DCC: variants seen among roughly 807,000 people sequenced by gnomAD.
The protein encoded by DCC is DCC netrin 1 receptor, also known as netrin receptor DCC.
In DCC, 58 loss-of-function variants were observed where a neutral mutation model predicts 172.5. That is an observed-to-expected ratio of 0.34 (90% CI 0.27 to 0.42). The LOEUF (loss-of-function observed/expected upper bound fraction) is 0.42, where lower values mean the gene tolerates loss of function less well. Ranked by LOEUF, DCC falls within the 10% of genes least tolerant of loss-of-function variation. The pLI is 1.00. For missense variants in DCC, 1,740 were observed against 1,791.0 expected, an observed-to-expected ratio of 0.97 and a Z score of 0.51; for synonymous variants, 709 against 644.5, an observed-to-expected ratio of 1.10 and a Z score of -1.52.
At chr18:53,299,190 A>G (rs1275779417) in intron 12 of DCC, among the ~76,000 whole-genome samples, 1 of 152,098 alleles carries the variant, frequency 6.6e-6, no homozygotes, top group Non-Finnish European at 1.5e-5. Flanking sequence ...TGTATTTAAG[A>G]CTATGAGTTC....
intron 1 of DCC, among the ~76,000 whole-genome samples, chr18:52,642,903 T>C (rs1046094747): frequency 4.6e-5 from 7 of 152,194 alleles, no homozygotes; most frequent in African/African-American, 1.4e-4. Context: ...GTCTCAAGCC[T>C]TGGTCTCCCA....
intron 5 of DCC, among the ~76,000 whole-genome samples, chr18:53,027,622 C>T (rs2041973468): frequency 6.6e-6 from 1 of 152,126 alleles, no homozygotes; most frequent in Admixed American, 6.5e-5. Context: ...CATACTTGGA[C>T]ACATCTGAGA....
At chr18:52,610,151 TA>T (rs1171109968) in intron 1 of DCC, among the ~76,000 whole-genome samples, 12 of 19,026 alleles carry the variant, frequency 6.3e-4, no homozygotes, top group East Asian at 1.5e-3. Flanking sequence ...CCATCTCTCA[TA>T]AAAAAAAAAA....
chr18:52,449,192 C>G (rs528405843), intron 1 of DCC, among the ~76,000 whole-genome samples: 46 of 152,322 alleles, frequency 3.0e-4, no homozygotes, highest in African/African-American at 1.1e-3. Context: ...ACGAGAACAG[C>G]ATAGGAAAGA....
intron 24 of DCC, among the ~76,000 whole-genome samples, chr18:53,460,910 G>A (rs1397943248): frequency 6.6e-6 from 1 of 152,106 alleles, no homozygotes. Context: ...GTGTAAAAGT[G>A]TTCCTATTTC....
chr18:52,674,829 A>T (rs2035621630), intron 1 of DCC, among the ~76,000 whole-genome samples: 2 of 152,210 alleles, frequency 1.3e-5, no homozygotes, highest in Admixed American at 1.3e-4. Flanking sequence ...TTAAAATTTA[A>T]CCTGAAAGAC....
intron 5 of DCC, among the ~76,000 whole-genome samples, chr18:52,972,634 C>T (rs554199123): frequency 6.7e-4 from 102 of 151,708 alleles, no homozygotes; most frequent in South Asian, 5.2e-3. Flanking sequence ...GTATACTGGG[C>T]CAAAAGCAAT....
chr18:52,850,416 G>A (rs954197730), intron 2 of DCC, among the ~76,000 whole-genome samples: 1 of 152,142 alleles, frequency 6.6e-6, no homozygotes, highest in Admixed American at 6.6e-5. Context: ...TATTACAGCT[G>A]ATTTTTAAAC....
intron 1 of DCC, among the ~76,000 whole-genome samples, chr18:52,370,275 T>A (rs1335776611): frequency 6.6e-6 from 1 of 152,194 alleles, no homozygotes; most frequent in African/African-American, 2.4e-5. Context: ...GATAAATGCA[T>A]GTGTATATTC....
intron 1 of DCC, among the ~76,000 whole-genome samples, chr18:52,599,663 G>C (rs967147946): frequency 2.6e-5 from 4 of 151,996 alleles, no homozygotes; most frequent in Non-Finnish European, 5.9e-5. Flanking sequence ...TACAGGCGCT[G>C]CTACCACGCC....
At chr18:52,387,009 G>C (rs898429690) in intron 1 of DCC, among the ~76,000 whole-genome samples, 1 of 152,018 alleles carries the variant, frequency 6.6e-6, no homozygotes, top group Non-Finnish European at 1.5e-5. Context: ...AAGCAGAAAG[G>C]GCAGAGTAGC....
intron 8 of DCC, among the ~76,000 whole-genome samples, chr18:53,171,210 C>T (rs2055008833): frequency 6.6e-6 from 1 of 152,064 alleles, no homozygotes; most frequent in South Asian, 2.1e-4. Flanking sequence ...TGCAAACTCC[C>T]TTTGATATGA....
chr18:53,031,395 T>C (rs1011771899), intron 5 of DCC, among the ~76,000 whole-genome samples: 1 of 151,920 alleles, frequency 6.6e-6, no homozygotes, highest in Non-Finnish European at 1.5e-5. Flanking sequence ...TAAAATCAAC[T>C]TTTTTTCACT....
intron 15 of DCC, among the ~76,000 whole-genome samples, chr18:53,367,829 C>T (rs1160199854): frequency 6.6e-6 from 1 of 152,136 alleles, no homozygotes; most frequent in African/African-American, 2.4e-5. Context: ...GAAGATTAAT[C>T]TGTGTTAAAG....
intron 1 of DCC, among the ~76,000 whole-genome samples, chr18:52,683,213 A>G (rs1823391214): frequency 6.6e-6 from 1 of 152,070 alleles, no homozygotes; most frequent in Non-Finnish European, 1.5e-5. Flanking sequence ...TGCCTTCTCT[A>G]TGAAAGTAGG....
chr18:52,528,716 C>A (rs746690437), intron 1 of DCC, among the ~76,000 whole-genome samples: 2 of 152,072 alleles, frequency 1.3e-5, no homozygotes, highest in Non-Finnish European at 2.9e-5. Context: ...TCACTGACTT[C>A]TATGACAGGG....
chr18:52,426,614 G>A (rs1411622596), intron 1 of DCC, among the ~76,000 whole-genome samples: 3 of 151,580 alleles, frequency 2.0e-5, no homozygotes, highest in Non-Finnish European at 4.4e-5. Context: ...TAATAGGCCT[G>A]ATATTGCCTA....
At chr18:52,381,542 C>A (rs1376964712) in intron 1 of DCC, among the ~76,000 whole-genome samples, 14 of 152,188 alleles carry the variant, frequency 9.2e-5, no homozygotes, top group Middle Eastern at 3.4e-3. Context: ...GCCTTCTATG[C>A]CTATGTTATG....
chr18:53,491,543 T>C (rs2045959964), intron 26 of DCC, among the ~76,000 whole-genome samples: 1 of 152,030 alleles, frequency 6.6e-6, no homozygotes, highest in Non-Finnish European at 1.5e-5. Flanking sequence ...TTGGTGTACA[T>C]GTGTCCTCAT....
Sources: gnomAD v4.1 joint callset for allele counts (sites outside exome capture counted in the v4.1 genomes callset) on GRCh38, gnomAD v4.1.1 for gene constraint, MANE v1.5 for transcripts, NCBI Gene and HGNC (gene_info 2026-07-23, HGNC 2026-07-21) for gene names.